The following NEGR1 variants were observed in gnomAD, a reference collection of about 807,000 sequenced individuals.
NEGR1 encodes the protein neuronal growth regulator 1, also known as IgLON family member 4.
NEGR1 carries 10 observed loss-of-function variants against 40.9 expected under a neutral mutation model. The ratio of observed to expected loss-of-function variants is 0.24; its 90% confidence interval spans 0.15 to 0.42. The LOEUF (loss-of-function observed/expected upper bound fraction) is 0.42. Ranked by LOEUF, NEGR1 falls within the 10% of genes least tolerant of loss-of-function variation. NEGR1 has a pLI of 1.00. For missense variants in NEGR1, 352 were observed against 438.9 expected (o/e 0.80, Z 1.77); for synonymous variants, 185 against 166.8 (o/e 1.11, Z -0.84).
At chr1:71,433,973 A>ACGTTGAG (rs1165179316) in intron 6 of NEGR1, among the ~76,000 whole-genome samples, 2 of 152,250 alleles carry the variant, frequency 1.3e-5, no homozygotes, top group African/African-American at 4.8e-5. Context: ...TTGTTAAGTC[A>ACGTTGAG]GTAATAAGCT....
chr1:71,759,807 G>A (rs1002633706), intron 3 of NEGR1, among the ~76,000 whole-genome samples: 21 of 150,762 alleles, frequency 1.4e-4, no homozygotes, highest in Non-Finnish European at 1.3e-4. Context: ...ACGGGGTTTC[G>A]GCATGTCACC....
intron 6 of NEGR1, among the ~76,000 whole-genome samples, chr1:71,485,706 T>C (rs910201863): frequency 7.2e-5 from 11 of 151,752 alleles, no homozygotes; most frequent in Non-Finnish European, 1.5e-5. Flanking sequence ...CTTTTCAGAC[T>C]GTCTTCTTTC....
chr1:72,065,157 A>T (rs1040556195), intron 1 of NEGR1, among the ~76,000 whole-genome samples: 3 of 152,110 alleles, frequency 2.0e-5, no homozygotes, highest in Non-Finnish European at 4.4e-5. Context: ...ACAAGGCCAT[A>T]AACAACTTTT....
At chr1:72,119,949 T>C (rs1004614038) in intron 1 of NEGR1, among the ~76,000 whole-genome samples, 1 of 151,994 alleles carries the variant, frequency 6.6e-6, no homozygotes, top group Non-Finnish European at 1.5e-5. Context: ...CTGGGTCTTA[T>C]AGTGAGTTTA....
At chr1:71,985,985 T>C (rs1385248466) in intron 1 of NEGR1, among the ~76,000 whole-genome samples, 2 of 152,128 alleles carry the variant, frequency 1.3e-5, no homozygotes, top group East Asian at 3.9e-4. Flanking sequence ...GCACTTGAAA[T>C]ACATTTAACT....
At chr1:72,141,163 T>C (rs1650662992) in intron 1 of NEGR1, among the ~76,000 whole-genome samples, 4 of 151,976 alleles carry the variant, frequency 2.6e-5, no homozygotes, top group Admixed American at 2.6e-4. Flanking sequence ...GTGTGTAATA[T>C]GGTGGACTTA....
At chr1:72,027,647 T>C (rs1384982902) in intron 1 of NEGR1, among the ~76,000 whole-genome samples, 1 of 152,210 alleles carries the variant, frequency 6.6e-6, no homozygotes, top group Non-Finnish European at 1.5e-5. Flanking sequence ...GAAATAAATT[T>C]GTTTTTAATG....
At chr1:71,911,549 A>G (rs1322726654) in intron 2 of NEGR1, among the ~76,000 whole-genome samples, 1 of 152,194 alleles carries the variant, frequency 6.6e-6, no homozygotes, top group Non-Finnish European at 1.5e-5. Flanking sequence ...TCTAAGCCCC[A>G]TGAGAACAGG....
intron 4 of NEGR1, among the ~76,000 whole-genome samples, chr1:71,691,534 G>GA (rs943166805): frequency 1.3e-5 from 2 of 151,448 alleles, no homozygotes; most frequent in African/African-American, 2.4e-5. Flanking sequence ...CTCTTGCCAT[G>GA]AAAAAAACAG....
chr1:71,776,357 T>A (rs1452236992), intron 2 of NEGR1, 60 bp from the exon 3 acceptor site: 1 of 995,992 alleles, frequency 1.0e-6, no homozygotes, highest in Non-Finnish European at 1.4e-6. Flanking sequence ...TTGAAGTACG[T>A]ATGATTAATT....
At chr1:71,912,772 A>G (rs1314342126) in intron 2 of NEGR1, among the ~76,000 whole-genome samples, 1 of 152,092 alleles carries the variant, frequency 6.6e-6, no homozygotes. Flanking sequence ...GACTGTGAGA[A>G]AGGATGAATG....
chr1:71,690,864 T>C (rs1653254590), intron 4 of NEGR1, among the ~76,000 whole-genome samples: 2 of 151,888 alleles, frequency 1.3e-5, no homozygotes, highest in African/African-American at 4.8e-5. Context: ...TAAAAACAAC[T>C]ACAAACAAAA....
intron 6 of NEGR1, among the ~76,000 whole-genome samples, chr1:71,487,664 T>C (rs1025413652): frequency 6.6e-5 from 10 of 151,818 alleles, no homozygotes. Flanking sequence ...TACTGAGCTA[T>C]GAATGATGAA....
intron 6 of NEGR1, among the ~76,000 whole-genome samples, chr1:71,464,504 T>G (rs1173992437): frequency 6.6e-6 from 1 of 152,142 alleles, no homozygotes; most frequent in African/African-American, 2.4e-5. Context: ...CATTTTGTTT[T>G]AATTTTGCCA....
chr1:71,477,006 T>C (rs1646825728), intron 6 of NEGR1: 1 of 152,160 alleles, frequency 6.6e-6, no homozygotes, highest in South Asian at 2.1e-4. Context: ...TATAAGTTTA[T>C]ATTTCTTACC....
intron 1 of NEGR1, among the ~76,000 whole-genome samples, chr1:72,099,660 T>A (rs1648853007): frequency 6.6e-6 from 1 of 152,056 alleles, no homozygotes; most frequent in African/African-American, 2.4e-5. Flanking sequence ...CACAGTAATT[T>A]GCCATTTCAT....
chr1:71,666,728 G>T (rs1249596962), intron 4 of NEGR1, among the ~76,000 whole-genome samples: 1 of 152,088 alleles, frequency 6.6e-6, no homozygotes, highest in Non-Finnish European at 1.5e-5. Context: ...TTTCTCCAAA[G>T]GTTTAACATA....
At position 72,196,336 on chromosome 1, in the gene NEGR1, G is replaced by GATA. The variant is rs1652997937; in HGVS notation, c.176+85980_176+85982dup. On this transcript the variant is annotated intron_variant, in intron 1 of 6. Coordinates refer to ENST00000357731, the MANE Select transcript of NEGR1 (RefSeq NM_173808.3). ...AAACATTTCTGTGCCAAGCATTTCA[G>GATA]ATAAGAGATTTTCAACATGAATTTG... Among the ~76,000 whole-genome samples, 7 of 152,154 alleles carry GATA rather than the reference G, an allele frequency of 4.6e-5. No homozygotes were observed. In the South Asian group the frequency reaches 1.5e-3, roughly 32 times the overall value.
chr1:71,416,062 C>CAG (rs1557518544), intron 6 of NEGR1, among the ~76,000 whole-genome samples: 1 of 152,112 alleles, frequency 6.6e-6, no homozygotes, highest in Non-Finnish European at 1.5e-5. Flanking sequence ...GAAGGTTTTA[C>CAG]AGAAATAAAA....
Sources: gnomAD v4.1 joint callset for allele counts (sites outside exome capture counted in the v4.1 genomes callset) on GRCh38, gnomAD v4.1.1 for gene constraint, MANE v1.5 for transcripts, NCBI Gene and HGNC (gene_info 2026-07-23, HGNC 2026-07-21) for gene names.